Variants in PAFAH1B1 observed in about 807,000 individuals in gnomAD.
PAFAH1B1 encodes platelet-activating factor acetylhydrolase IB subunit beta.
In PAFAH1B1, 2 loss-of-function variants were observed where a neutral mutation model predicts 57.5. That is an observed-to-expected ratio of 0.03 (90% CI 0.01 to 0.11). PAFAH1B1 has a LOEUF of 0.11. Among genes scored for constraint, PAFAH1B1 ranks in the 10% least tolerant of loss-of-function variants. The probability of loss-of-function intolerance (pLI) is 1.00; values close to 1 mark genes in which losing one functional copy is unlikely to be tolerated. For synonymous variants in PAFAH1B1, 152 were observed against 169.6 expected (o/e 0.90, Z 0.81); for missense variants, 257 against 512.0 (o/e 0.50, Z 4.81).
intron 2 of PAFAH1B1, among the ~76,000 whole-genome samples, chr17:2,659,613 A>G (rs2068989136): frequency 6.6e-6 from 1 of 151,090 alleles, no homozygotes; most frequent in Non-Finnish European, 1.5e-5. Context: ...GTCAGGTCAC[A>G]TGAGGCCAGG....
intron 7 of PAFAH1B1, chr17:2,673,815 GT>G (rs2069220849): frequency 2.1e-6 from 1 of 477,860 alleles, no homozygotes; most frequent in Non-Finnish European, 3.8e-6. Flanking sequence ...TGTGCATTTA[GT>G]TTTGAAAGAT....
chr17:2,658,551 C>A (rs1284326649), intron 2 of PAFAH1B1, among the ~76,000 whole-genome samples: 2 of 152,098 alleles, frequency 1.3e-5, no homozygotes, highest in African/African-American at 4.8e-5. Flanking sequence ...GAGGGTATAT[C>A]AGGATGTCAT....
chr17:2,640,148 A>G (rs1218962209), intron 2 of PAFAH1B1: 1 of 152,206 alleles, frequency 6.6e-6, no homozygotes, highest in Non-Finnish European at 1.5e-5. Flanking sequence ...TTTCCCACAA[A>G]TAAACTTAAG....
chr17:2,599,458 CT>C (rs1262942995), intron 1 of PAFAH1B1, among the ~76,000 whole-genome samples: 40 of 152,172 alleles, frequency 2.6e-4, no homozygotes, highest in Admixed American at 2.3e-3. Flanking sequence ...TTGTTGACTG[CT>C]TTGCATGCAT....
At chr17:2,675,111 C>T (rs1202427667) in intron 8 of PAFAH1B1, among the ~76,000 whole-genome samples, 1 of 152,218 alleles carries the variant, frequency 6.6e-6, no homozygotes. Context: ...AGGCGATTCT[C>T]CTGCCTCAGC....
chr17:2,672,759 TA>T lies in PAFAH1B1; in HGVS notation c.671+4del. Reference sequence around the variant, plus strand: ...AAAAATGTGGGAAGTGCAAACTGGGTAAGTAAGTTTAGTTGAAAAGGCATCA... The same window carrying T: ...AAAAATGTGGGAAGTGCAAACTGGGTAGTAAGTTTAGTTGAAAAGGCATCA... On this transcript the variant is annotated splice_donor_region_variant and intron_variant, in intron 7 of 10. Coordinates refer to ENST00000397195, the MANE Select transcript of PAFAH1B1 (RefSeq NM_000430.4). 6.3e-7 allele frequency: 1 copy of T among 1,586,840 alleles called. No individual in the cohort carries two copies. Among genetic ancestry groups the T allele is most frequent in the Non-Finnish European group, 8.6e-7 (1 of 1,156,340 alleles).
rs34442256 is a variant in PAFAH1B1, at chr17:2,599,971, C to CTTT, written c.-191+5988_-191+5990dup. Among the ~76,000 whole-genome samples the CTTT allele has an allele frequency of 6.3e-3, 521 of 82,758 alleles. 1 individual carries two copies. Among genetic ancestry groups the CTTT allele is most frequent in the African/African-American group, 9.2e-3 (186 of 20,318 alleles). The allele number at this position is 82,758 out of a possible 152,430, so 54.3% of individuals were successfully genotyped here. A position where few individuals can be genotyped will look rare whatever the true frequency, so the allele number is the denominator to read the frequency against. On this transcript the variant is annotated intron_variant, in intron 1 of 10. Transcript: ENST00000397195. ...CAGTGCAGATTAATCCATTTTTAACCTTTTTTTTTTTTTTTTTTTTTTTTT... is the reference window on the plus strand; with the variant it reads ...CAGTGCAGATTAATCCATTTTTAACCTTTTTTTTTTTTTTTTTTTTTTTTTTTT...
In PAFAH1B1 at chr17:2,679,522, ATGAT is replaced by A. The variant is rs1299689856; in HGVS notation, c.1003-639_1003-636del. ...GATGATTGGATGGATGGATGGATGG[ATGAT>A]TGGATGGATGGATGGATGGATGGAT... On this transcript the variant is annotated intron_variant, in intron 9 of 10. Coordinates refer to ENST00000397195, the MANE Select transcript of PAFAH1B1 (RefSeq NM_000430.4). Among the ~76,000 whole-genome samples the A allele has an allele frequency of 4.8e-3, 612 of 127,400 alleles. 5 individuals are homozygous for A. Among genetic ancestry groups the A allele is most frequent in the African/African-American group, 0.018 (538 of 29,450 alleles). The allele number at this position is 127,400 out of a possible 152,430, so 83.6% of individuals were successfully genotyped here.
chr17:2,658,801 T>G (rs12453812), intron 2 of PAFAH1B1, among the ~76,000 whole-genome samples: 15,146 of 152,234 alleles, frequency 0.099, 959 homozygotes, highest in African/African-American at 0.18. Flanking sequence ...AGTAGTTATC[T>G]TAGAATGTGA....
chr17:2,659,914 G>A (rs1188400137), intron 2 of PAFAH1B1, among the ~76,000 whole-genome samples: 3 of 152,164 alleles, frequency 2.0e-5, no homozygotes, highest in African/African-American at 7.2e-5. Context: ...ATGATCCCCT[G>A]TATATCTCTG....
At chr17:2,668,595 C>G (rs2069139116) in intron 5 of PAFAH1B1, among the ~76,000 whole-genome samples, 1 of 152,084 alleles carries the variant, frequency 6.6e-6, no homozygotes, top group African/African-American at 2.4e-5. Context: ...GGGAGGATCA[C>G]ATGAGCCTGG....
chr17:2,616,028 G>C (rs1458023125), intron 1 of PAFAH1B1, among the ~76,000 whole-genome samples: 1 of 152,182 alleles, frequency 6.6e-6, no homozygotes, highest in Non-Finnish European at 1.5e-5. Flanking sequence ...AAGCAACGAC[G>C]AAACAAGAAT....
chr17:2,657,149 A>G (rs1336525253), intron 2 of PAFAH1B1, among the ~76,000 whole-genome samples: 2 of 152,228 alleles, frequency 1.3e-5, no homozygotes, highest in African/African-American at 2.4e-5. Flanking sequence ...TTATTGGTTG[A>G]AGGTTTGAGA....
intron 1 of PAFAH1B1, among the ~76,000 whole-genome samples, chr17:2,625,115 A>C (rs1025160091): frequency 9.2e-5 from 14 of 151,882 alleles, no homozygotes; most frequent in African/African-American, 3.4e-4. Flanking sequence ...GCTGCATTGG[A>C]TAGCAGATAC....
At chr17:2,653,654 G>A (rs565343530) in intron 2 of PAFAH1B1, among the ~76,000 whole-genome samples, 232 of 151,982 alleles carry the variant, frequency 1.5e-3, no homozygotes, top group Admixed American at 2.2e-3. Flanking sequence ...TTAATATAGG[G>A]CAACAAAAAC....
intron 1 of PAFAH1B1, among the ~76,000 whole-genome samples, chr17:2,621,616 T>G (rs1254533789): frequency 1.6e-4 from 8 of 49,904 alleles, no homozygotes; most frequent in Non-Finnish European, 2.1e-4. Flanking sequence ...TCTTTTTTTT[T>G]TTTTTTTTTT....
rs1417624459 is a variant in PAFAH1B1, at chr17:2,684,557, C to T, written c.*2755C>T. ...TGAAAACAGACATTCCAGTGCCACCCAAATATATATCTGTAACGTGCCCAA... is the reference window on the plus strand; with the variant it reads ...TGAAAACAGACATTCCAGTGCCACCTAAATATATATCTGTAACGTGCCCAA... On this transcript the variant is annotated 3_prime_UTR_variant, in exon 11 of 11. Coordinates refer to ENST00000397195, the MANE Select transcript of PAFAH1B1 (RefSeq NM_000430.4). 6.6e-6 allele frequency: 1 copy of T among 152,616 alleles called. No individual in the cohort carries two copies. Among genetic ancestry groups the T allele is most frequent in the Admixed American group, 6.5e-5 (1 of 15,272 alleles). The allele number at this position is 152,616 out of a possible 1,614,324, so 9.5% of individuals were successfully genotyped here.
intron 5 of PAFAH1B1, among the ~76,000 whole-genome samples, chr17:2,669,087 C>T (rs558895056): frequency 3.9e-5 from 6 of 152,160 alleles, no homozygotes; most frequent in African/African-American, 4.8e-5. Flanking sequence ...TACAGTCTTA[C>T]GGGATATCAA....
chr17:2,645,388 G>A (rs917758442), intron 2 of PAFAH1B1, among the ~76,000 whole-genome samples: 5 of 151,984 alleles, frequency 3.3e-5, no homozygotes, highest in African/African-American at 1.2e-4. Context: ...GAGGTCAGGA[G>A]TTGGAGACCA....
Sources: allele counts gnomAD v4.1 joint callset (sites outside exome capture counted in the v4.1 genomes callset), GRCh38; gene constraint gnomAD v4.1.1; transcripts MANE v1.5; gene names NCBI Gene and HGNC (gene_info 2026-07-23, HGNC 2026-07-21).